The following NEBL variants were observed in gnomAD, a reference collection of about 807,000 sequenced individuals.
NEBL encodes LIM and SH3 protein 2.
NEBL carries 122 observed loss-of-function variants against 140.2 expected under a neutral mutation model. That is an observed-to-expected ratio of 0.87 (90% CI 0.75 to 1.01). The LOEUF (loss-of-function observed/expected upper bound fraction) is 1.01. Among genes scored for constraint, NEBL ranks in the 50% least tolerant of loss-of-function variants. The pLI, the probability that NEBL is intolerant of heterozygous loss-of-function variation, is 0.00. For missense variants in NEBL, 1,365 were observed against 1,231.3 expected, an observed-to-expected ratio of 1.11 and a Z score of -1.62; for synonymous variants, 436 against 398.9, an observed-to-expected ratio of 1.09 and a Z score of -1.11.
At chr10:21,250,033 C>T (rs1842567327) in intron 2 of NEBL, among the ~76,000 whole-genome samples, 1 of 152,060 alleles carries the variant, frequency 6.6e-6, no homozygotes, top group Non-Finnish European at 1.5e-5. Flanking sequence ...CAGTGCACTC[C>T]AGCCTGGTGA....
chr10:21,168,991 G>A (rs572499946), intron 2 of NEBL, among the ~76,000 whole-genome samples: 50 of 142,094 alleles, frequency 3.5e-4, no homozygotes, highest in African/African-American at 1.3e-3. Flanking sequence ...AGAGCTTGCA[G>A]TGAACTGAAA....
intron 3 of NEBL, among the ~76,000 whole-genome samples, chr10:20,966,904 A>G (rs1245657599): frequency 6.6e-6 from 1 of 152,256 alleles, no homozygotes; most frequent in Non-Finnish European, 1.5e-5. Context: ...AACTGGGACC[A>G]GAGACTGGTA....
chr10:20,789,501 A>T (rs936137452), intron 26 of NEBL, among the ~76,000 whole-genome samples: 1 of 152,204 alleles, frequency 6.6e-6, no homozygotes, highest in African/African-American at 2.4e-5. Flanking sequence ...GTGCCTGTTA[A>T]GTGCTGACAA....
At chr10:20,920,437 C>A (rs189887602) in intron 4 of NEBL, among the ~76,000 whole-genome samples, 1 of 152,110 alleles carries the variant, frequency 6.6e-6, no homozygotes, top group Non-Finnish European at 1.5e-5. Flanking sequence ...TGTAGTCCAG[C>A]GACACACTGG....
chr10:21,112,066 C>T lies in NEBL; in HGVS notation c.164+60317G>A, dbSNP rs558008037. Among the ~76,000 whole-genome samples the T allele has an allele frequency of 4.5e-3, 680 of 151,904 alleles. 4 individuals are homozygous for T. Among genetic ancestry groups the T allele is most frequent in the African/African-American group, 0.015 (633 of 41,250 alleles). On this transcript the variant is annotated intron_variant, in intron 2 of 6. Transcript: ENST00000417816. ...TACCATCTCACGCCAGTTAGAATGG[C>T]GATCATTGAAAAGTCAGGAAACAAC...
Position 20,972,617 on chromosome 10 carries a change from C to T in NEBL, c.250-10838G>A, listed in dbSNP as rs528199055. Among the ~76,000 whole-genome samples, 38 of 151,966 alleles carry T rather than the reference C, an allele frequency of 2.5e-4. 1 individual carries two copies. Among genetic ancestry groups the T allele is most frequent in the South Asian group, 1.9e-3 (9 of 4,798 alleles). ...AAAAAATTAGCTGGGCATGGCAGTG[C>T]GCACCTGTAGTCTCAGCTACTCGGG... On this transcript the variant is annotated intron_variant, in intron 3 of 6. Transcript: ENST00000417816.
At chr10:20,963,892 T>G (rs1352816460) in intron 3 of NEBL, among the ~76,000 whole-genome samples, 1 of 152,218 alleles carries the variant, frequency 6.6e-6, no homozygotes, top group Non-Finnish European at 1.5e-5. Context: ...GCCAAGCCTC[T>G]TACCCTCTCA....
chr10:21,114,605 T>A (rs950554529), intron 2 of NEBL, among the ~76,000 whole-genome samples: 2 of 152,106 alleles, frequency 1.3e-5, no homozygotes, highest in African/African-American at 4.8e-5. Flanking sequence ...AGGATTGCTA[T>A]GTTTTCTTGA....
intron 20 of NEBL, chr10:20,818,558 C>A (rs12257662): frequency 0.014 from 2,187 of 153,908 alleles, 45 homozygotes; most frequent in African/African-American, 0.049. Context: ...GCCAGTCAAG[C>A]CAGGTCTTCT....
At chr10:20,838,401 ACTGAACTG>A (rs1841100570) in intron 13 of NEBL, among the ~76,000 whole-genome samples, 1 of 152,186 alleles carries the variant, frequency 6.6e-6, no homozygotes, top group Non-Finnish European at 1.5e-5. Flanking sequence ...TGAAAATGTG[ACTGAACTG>A]CTGCCATCTC....
At chr10:21,070,529 C>T (rs1198596310) in intron 2 of NEBL, among the ~76,000 whole-genome samples, 3 of 152,130 alleles carry the variant, frequency 2.0e-5, no homozygotes, top group Non-Finnish European at 4.4e-5. Context: ...ACATAATATC[C>T]TAACTATCCA....
chr10:21,236,638 T>C (rs113213237), intron 3 of NEBL, among the ~76,000 whole-genome samples: 3,868 of 152,244 alleles, frequency 0.025, 82 homozygotes, highest in South Asian at 0.058. Flanking sequence ...TGTGAGCCAC[T>C]GTGCCAGGCC....
At chr10:20,800,686 T>C (rs538303391) in intron 26 of NEBL, among the ~76,000 whole-genome samples, 36 of 151,266 alleles carry the variant, frequency 2.4e-4, no homozygotes, top group Non-Finnish European at 2.9e-5. Context: ...AAACGACAAA[T>C]GCTCACAATA....
At chr10:21,092,306 C>A (rs901004217) in intron 2 of NEBL, among the ~76,000 whole-genome samples, 8 of 152,158 alleles carry the variant, frequency 5.3e-5, no homozygotes, top group Non-Finnish European at 1.2e-4. Context: ...TTAAAATAAA[C>A]ATATCTAGTA....
At chr10:20,930,846 C>T (rs1212192252) in intron 4 of NEBL, among the ~76,000 whole-genome samples, 1 of 152,198 alleles carries the variant, frequency 6.6e-6, no homozygotes, top group Non-Finnish European at 1.5e-5. Context: ...TAGAATGATG[C>T]TAACTGGAAA....
intron 4 of NEBL, 107 bp from the exon 5 acceptor site, chr10:20,881,011 A>G: frequency 1.2e-6 from 1 of 807,752 alleles, no homozygotes; most frequent in East Asian, 2.6e-5. Flanking sequence ...CACCACTGAT[A>G]GTTAATTTGC....
chr10:21,018,257 C>T (rs951183064), intron 3 of NEBL, among the ~76,000 whole-genome samples: 9 of 152,118 alleles, frequency 5.9e-5, no homozygotes, highest in Admixed American at 3.9e-4. Context: ...TGCACAGTAC[C>T]AAAGCATGTC....
chr10:21,185,737 T>C (rs991025258), intron 3 of NEBL, among the ~76,000 whole-genome samples: 1 of 152,080 alleles, frequency 6.6e-6, no homozygotes, highest in African/African-American at 2.4e-5. Flanking sequence ...CCTCAGTTGA[T>C]CCACCTCGCC....
rs530027760 is a variant in NEBL at position 20,862,951 on chromosome 10, T to A, written c.685-3125A>T. 2.0e-5 allele frequency among the ~76,000 whole-genome samples: 3 copies of A among 152,290 alleles called. No homozygotes were observed. The East Asian group carries it at 5.8e-4, about 29-fold the overall frequency. Reference sequence around the variant, plus strand: ...TTATGGGGTACATTATATGTTTTGATACAGGCATGCAGTGCATAATAATCA... The same window carrying A: ...TTATGGGGTACATTATATGTTTTGAAACAGGCATGCAGTGCATAATAATCA... On this transcript the variant is annotated intron_variant, in intron 7 of 27. Coordinates refer to ENST00000377122, the MANE Select transcript of NEBL (RefSeq NM_006393.3).
Sources: allele counts gnomAD v4.1 joint callset (sites outside exome capture counted in the v4.1 genomes callset), GRCh38; gene constraint gnomAD v4.1.1; transcripts MANE v1.5; gene names NCBI Gene and HGNC (gene_info 2026-07-23, HGNC 2026-07-21).